SLC9B1: variants seen among roughly 807,000 people sequenced by gnomAD.
SLC9B1 encodes the protein solute carrier family 9 member B1.
SLC9B1 carries 32 observed loss-of-function variants against 51.7 expected under a neutral mutation model. That is an observed-to-expected ratio of 0.62 (90% CI 0.47 to 0.83). SLC9B1 has a LOEUF of 0.83. Ranked by LOEUF, SLC9B1 falls within the 40% of genes least tolerant of loss-of-function variation. The probability of loss-of-function intolerance (pLI) is 0.00; values close to 1 mark genes in which losing one functional copy is unlikely to be tolerated. For missense variants in SLC9B1, 406 were observed against 613.2 expected (o/e 0.66, Z 3.57); for synonymous variants, 145 against 212.7 (o/e 0.68, Z 2.77).
chr4:102,942,433 T>C (rs1463034699), intron 6 of SLC9B1, among the ~76,000 whole-genome samples: 2 of 152,128 alleles, frequency 1.3e-5, no homozygotes, highest in African/African-American at 4.8e-5. Context: ...AACTATACTA[T>C]AAGGCTATAG....
chr4:102,942,079 AAAC>A (rs1737030830), intron 6 of SLC9B1, among the ~76,000 whole-genome samples: 2 of 152,124 alleles, frequency 1.3e-5, no homozygotes, highest in Non-Finnish European at 1.5e-5. Context: ...ACAAACAAAC[AAAC>A]AACAAACAAA....
chr4:103,008,520 T>C (rs1740914158), intron 1 of SLC9B1, among the ~76,000 whole-genome samples: 1 of 151,792 alleles, frequency 6.6e-6, no homozygotes, highest in South Asian at 2.1e-4. Context: ...TAGCTGGGAC[T>C]ACCGACGTGA....
At chr4:102,919,601 G>A (rs547977844) in intron 7 of SLC9B1, among the ~76,000 whole-genome samples, 3 of 152,166 alleles carry the variant, frequency 2.0e-5, no homozygotes, top group Non-Finnish European at 2.9e-5. Context: ...AAGCAGGGTG[G>A]GGCATCACCT....
chr4:103,019,459 G>T, intron 1 of SLC9B1, 140 bp downstream of exon 1: 1 of 432,218 alleles, frequency 2.3e-6, no homozygotes, highest in Non-Finnish European at 3.1e-6. Context: ...CTCAGCGTCT[G>T]GGAGAAGAGC....
At chr4:102,954,431 CTCT>C (rs1466897437) in intron 3 of SLC9B1, among the ~76,000 whole-genome samples, 1 of 58,950 alleles carries the variant, frequency 1.7e-5, no homozygotes, top group Non-Finnish European at 3.1e-5. Context: ...GTCTAAAATT[CTCT>C]TTTTTGGTTG....
At chr4:102,974,538 C>G (rs1400691114) in intron 3 of SLC9B1, among the ~76,000 whole-genome samples, 1 of 152,014 alleles carries the variant, frequency 6.6e-6, no homozygotes, top group Non-Finnish European at 1.5e-5. Context: ...TATATGACAA[C>G]AGTCTAAAAA....
At chr4:102,993,867 C>T (rs1280623348) in intron 1 of SLC9B1, among the ~76,000 whole-genome samples, 1 of 152,206 alleles carries the variant, frequency 6.6e-6, no homozygotes, top group African/African-American at 2.4e-5. Flanking sequence ...GAAGCAATGC[C>T]AGAGCTGTAC....
intron 3 of SLC9B1, among the ~76,000 whole-genome samples, chr4:102,967,369 T>C (rs1283263514): frequency 6.6e-6 from 1 of 152,218 alleles, no homozygotes; most frequent in Non-Finnish European, 1.5e-5. Flanking sequence ...TCAGTACAAA[T>C]TTTCTGTCTT....
At chr4:102,989,412 C>T (rs1305529807) in intron 3 of SLC9B1, among the ~76,000 whole-genome samples, 1 of 151,878 alleles carries the variant, frequency 6.6e-6, no homozygotes, top group African/African-American at 2.4e-5. Flanking sequence ...TACAAGGTTG[C>T]TGCTGTTTTA....
At chr4:102,967,522 A>G (rs528886261) in intron 3 of SLC9B1, among the ~76,000 whole-genome samples, 3 of 152,330 alleles carry the variant, frequency 2.0e-5, no homozygotes, top group Non-Finnish European at 2.9e-5. Flanking sequence ...TTGTATCACA[A>G]TATGGTAGAA....
At chr4:102,943,045 G>T (rs1261816574) in intron 6 of SLC9B1, among the ~76,000 whole-genome samples, 1 of 151,086 alleles carries the variant, frequency 6.6e-6, no homozygotes, top group African/African-American at 2.4e-5. Flanking sequence ...CCCAAAAGAA[G>T]ATATATAAAT....
intron 3 of SLC9B1, among the ~76,000 whole-genome samples, chr4:102,973,769 A>T (rs1365971658): frequency 6.6e-6 from 1 of 152,228 alleles, no homozygotes; most frequent in Non-Finnish European, 1.5e-5. Context: ...ATAATTTTTC[A>T]GTCAAAGAAG....
chr4:102,901,033 C>A lies in SLC9B1; in HGVS notation c.*84G>T, dbSNP rs1578329788. On this transcript the variant is annotated 3_prime_UTR_variant, in exon 12 of 12. Coordinates refer to ENST00000296422, the MANE Select transcript of SLC9B1 (RefSeq NM_139173.4). ...CTAAATCCTGGATTCTCTGTACAGTCCCCACATATTTCTACTTTAAAATTC... is the reference window on the plus strand; with the variant it reads ...CTAAATCCTGGATTCTCTGTACAGTACCCACATATTTCTACTTTAAAATTC... 6.3e-7 allele frequency: 1 copy of A among 1,583,688 alleles called. No individual in the cohort carries two copies. The highest frequency in any genetic ancestry group is 2.3e-5 in the East Asian group (1 of 43,872).
intron 3 of SLC9B1, among the ~76,000 whole-genome samples, chr4:102,969,991 A>G (rs1461531885): frequency 6.6e-6 from 1 of 152,210 alleles, no homozygotes; most frequent in African/African-American, 2.4e-5. Context: ...GACTATGTGA[A>G]AAGACCAAAT....
chr4:102,992,955 A>G (rs1740023411), intron 1 of SLC9B1, among the ~76,000 whole-genome samples: 1 of 152,196 alleles, frequency 6.6e-6, no homozygotes, highest in African/African-American at 2.4e-5. Flanking sequence ...AGACACTTAT[A>G]AAACCATTAG....
At chr4:102,990,065 C>G (rs6533051) in intron 2 of SLC9B1, 124 bp from the exon 3 acceptor site, 382,969 of 760,398 alleles carry the variant, frequency 0.5, 98,372 homozygotes, top group African/African-American at 0.69. Flanking sequence ...ATCACAGATA[C>G]AAAAGAAGAT....
At chr4:102,898,776 G>A (rs1335598876), downstream of SLC9B1, among the ~76,000 whole-genome samples, 3 of 152,176 alleles carry the variant, frequency 2.0e-5, no homozygotes, top group South Asian at 2.1e-4. Context: ...CACCCAGGCC[G>A]GAGTGCAGTG....
intron 3 of SLC9B1, among the ~76,000 whole-genome samples, chr4:102,956,516 T>A (rs1737824421): frequency 1.3e-5 from 2 of 152,152 alleles, no homozygotes; most frequent in East Asian, 3.9e-4. Flanking sequence ...CACAGATTAT[T>A]TGGCAGACAG....
chr4:103,019,650 G>T lies in SLC9B1; in HGVS notation c.-53C>A. On this transcript the variant is annotated 5_prime_UTR_variant, in exon 1 of 12. In the 5' UTR this introduces an upstream ATG that the reference lacks. Transcript: ENST00000296422. ...GGCCCGGGAGCGGCCCAGGAGCCCA[G>T]TGACCGTTGCGTAAGCCACGCGCCA... is the stretch of plus-strand genomic sequence containing the variant. 1 of 985,508 alleles carries T rather than the reference G, an allele frequency of 1.0e-6. No individual in the cohort carries two copies. The highest frequency in any genetic ancestry group is 1.7e-5 in the African/African-American group (1 of 57,380). 61.0% of individuals were successfully genotyped at this position (985,508 alleles called of 1,614,324 possible). A position where few individuals can be genotyped will look rare whatever the true frequency, so the allele number is the denominator to read the frequency against.
Sources: allele counts gnomAD v4.1 joint callset (sites outside exome capture counted in the v4.1 genomes callset), GRCh38; gene constraint gnomAD v4.1.1; transcripts MANE v1.5; gene names NCBI Gene and HGNC (gene_info 2026-07-23, HGNC 2026-07-21).